The following SGCD variants were observed in gnomAD, a reference collection of about 807,000 sequenced individuals.
SGCD encodes the protein sarcoglycan delta.
SGCD carries 18 observed loss-of-function variants against 36.6 expected under a neutral mutation model. The ratio of observed to expected loss-of-function variants is 0.49; its 90% confidence interval spans 0.34 to 0.73. The LOEUF is 0.73. Ranked by LOEUF, SGCD falls within the 30% of genes least tolerant of loss-of-function variation. The pLI is 0.01. For synonymous variants in SGCD, 133 were observed against 130.6 expected, an observed-to-expected ratio of 1.02 and a Z score of -0.12; for missense variants, 387 against 346.7, an observed-to-expected ratio of 1.12 and a Z score of -0.92.
the SGCD span, among the ~76,000 whole-genome samples, chr5:155,848,488 C>T: frequency 1.3e-5 from 2 of 152,148 alleles, no homozygotes; most frequent in African/African-American, 2.4e-5. Context: ...TGCATTCTCT[C>T]TTCCAAATCC....
intron 2 of SGCD, among the ~76,000 whole-genome samples, chr5:156,343,054 T>C (rs921503173): frequency 3.3e-5 from 5 of 152,116 alleles, no homozygotes; most frequent in Non-Finnish European, 5.9e-5. Context: ...CTAACGGCCA[T>C]GAGTTCTCTA....
chr5:155,870,039 T>C (rs193207439), upstream of SGCD, among the ~76,000 whole-genome samples: 88 of 152,216 alleles, frequency 5.8e-4, no homozygotes, highest in Non-Finnish European at 1.2e-3. Flanking sequence ...AAGGGAACCG[T>C]CTTGCATGAT....
At chr5:155,961,431 T>A (rs548510684) in intron 1 of SGCD, among the ~76,000 whole-genome samples, 2 of 152,292 alleles carry the variant, frequency 1.3e-5, no homozygotes, top group East Asian at 3.9e-4. Flanking sequence ...TAATTTTAAA[T>A]GTCTCATGAA....
At position 156,037,968 on chromosome 5, in the gene SGCD, G is replaced by A. The variant is rs540256619; in HGVS notation, c.-281-79910G>A. 2.3e-3 allele frequency among the ~76,000 whole-genome samples: 351 copies of A among 152,264 alleles called. 3 individuals are homozygous for A. Among genetic ancestry groups the A allele is most frequent in the African/African-American group, 7.9e-3 (330 of 41,560 alleles). ...AAATAAAGTTTGAGGAGAGTCAAAGGTTAATGAGCCCCCTAAAAAGAAAAC... is the reference window on the plus strand; with the variant it reads ...AAATAAAGTTTGAGGAGAGTCAAAGATTAATGAGCCCCCTAAAAAGAAAAC... On this transcript the variant is annotated intron_variant, in intron 1 of 9. Transcript: ENST00000517913.
At chr5:155,855,918 T>TCC in the SGCD span, among the ~76,000 whole-genome samples, 1 of 152,116 alleles carries the variant, frequency 6.6e-6, no homozygotes, top group Non-Finnish European at 1.5e-5. Flanking sequence ...GTAACTGTAT[T>TCC]CCATATGTTA....
chr5:155,778,802 G>T, the SGCD span, among the ~76,000 whole-genome samples: 1 of 152,132 alleles, frequency 6.6e-6, no homozygotes, highest in Non-Finnish European at 1.5e-5. Context: ...TACTAAAAGA[G>T]CTAGAGTTTG....
chr5:156,185,841 A>ATATATACACACACATATATG lies in SGCD; in HGVS notation c.-44+61828_-44+61829insCACACACATATATGTATATA, dbSNP rs1163584799. 1.4e-4 allele frequency among the ~76,000 whole-genome samples: 4 copies of ATATATACACACACATATATG among 28,640 alleles called. 1 individual carries two copies. The highest frequency in any genetic ancestry group is 5.5e-4 in the Admixed American group (1 of 1,814). The allele number at this position is 28,640 out of a possible 152,430, so 18.8% of individuals were successfully genotyped here. On this transcript the variant is annotated intron_variant, in intron 3 of 9. Transcript: ENST00000517913. ...CATATATATGTGTGTGTGTATATAT[A>ATATATACACACACATATATG]TATATATATAGAGAGAGAGAGAGAG...
In SGCD at chr5:156,059,992, C is replaced by T. The variant is rs1168585060; in HGVS notation, c.-281-57886C>T. Among the ~76,000 whole-genome samples the T allele has an allele frequency of 1.4e-5, 2 of 146,542 alleles. 1 individual carries two copies. Among genetic ancestry groups the T allele is most frequent in the African/African-American group, 4.9e-5 (2 of 40,754 alleles). ...GTTGTCTTTATATCTATATGGTTGT[C>T]ACAAAACTGTTCAGGTCAAATATTC... On this transcript the variant is annotated intron_variant, in intron 1 of 9. Coordinates refer to the SGCD transcript ENST00000517913.
intron 3 of SGCD, among the ~76,000 whole-genome samples, chr5:156,205,092 T>C (rs867814638): frequency 3.9e-5 from 6 of 152,110 alleles, no homozygotes; most frequent in African/African-American, 9.6e-5. Context: ...AAACTGCCCT[T>C]CCTCCATCAG....
chr5:156,197,509 T>G (rs897744232), intron 3 of SGCD, among the ~76,000 whole-genome samples: 5 of 145,664 alleles, frequency 3.4e-5, no homozygotes, highest in African/African-American at 1.3e-4. Context: ...TTGGCCTTTA[T>G]AGCTCACAGT....
At chr5:156,407,955 T>G (rs756221224) in intron 3 of SGCD, among the ~76,000 whole-genome samples, 1 of 152,188 alleles carries the variant, frequency 6.6e-6, no homozygotes, top group Non-Finnish European at 1.5e-5. Flanking sequence ...AGGAAGATTT[T>G]TATCCCCTAA....
At chr5:156,125,839 T>TTTATTATTATTATTA (rs144493356) in intron 3 of SGCD, among the ~76,000 whole-genome samples, 1 of 131,484 alleles carries the variant, frequency 7.6e-6, no homozygotes, top group Non-Finnish European at 1.6e-5. Context: ...CACTCATTCT[T>TTTATTATTATTATTA]TTATTATTAT....
intron 3 of SGCD, among the ~76,000 whole-genome samples, chr5:156,401,539 A>ATT (rs1772147849): frequency 1.3e-5 from 2 of 152,228 alleles, no homozygotes. Flanking sequence ...TACATTGTCA[A>ATT]AAAGAAGATA....
At chr5:156,035,459 C>T (rs1759466059) in intron 1 of SGCD, among the ~76,000 whole-genome samples, 2 of 151,862 alleles carry the variant, frequency 1.3e-5, no homozygotes, top group African/African-American at 4.8e-5. Flanking sequence ...AAAATAAAAA[C>T]ATTAGCCAGG....
At chr5:156,338,050 T>C (rs2127711006) in intron 2 of SGCD, among the ~76,000 whole-genome samples, 1 of 152,272 alleles carries the variant, frequency 6.6e-6, no homozygotes. Context: ...CCCTTCTTTT[T>C]CTCAGCTCTG....
At chr5:156,131,085 C>T (rs1236306079) in intron 3 of SGCD, among the ~76,000 whole-genome samples, 4 of 152,200 alleles carry the variant, frequency 2.6e-5, no homozygotes, top group African/African-American at 7.2e-5. Context: ...GCAAATATTA[C>T]TTCTGCCCTC....
chr5:156,722,790 A>G (rs1437192323), intron 7 of SGCD, among the ~76,000 whole-genome samples: 1 of 152,168 alleles, frequency 6.6e-6, no homozygotes, highest in East Asian at 1.9e-4. Context: ...TTTGTATTAT[A>G]ACAAGCTGAA....
intron 3 of SGCD, among the ~76,000 whole-genome samples, chr5:156,422,075 G>A (rs1024320601): frequency 6.6e-6 from 1 of 152,046 alleles, no homozygotes; most frequent in Non-Finnish European, 1.5e-5. Flanking sequence ...TCACCCAGTA[G>A]CCAGGGTTGA....
intron 4 of SGCD, among the ~76,000 whole-genome samples, chr5:156,534,580 T>G (rs1758019585): frequency 6.6e-6 from 1 of 152,218 alleles, no homozygotes; most frequent in African/African-American, 2.4e-5. Flanking sequence ...GATATCTTCC[T>G]TCCCATGGGA....
Sources: allele counts gnomAD v4.1 joint callset (sites outside exome capture counted in the v4.1 genomes callset), GRCh38; gene constraint gnomAD v4.1.1; transcripts MANE v1.5; gene names NCBI Gene and HGNC (gene_info 2026-07-23, HGNC 2026-07-21).